Variants in CNBD1 observed in about 807,000 individuals in gnomAD.
CNBD1 encodes the protein cyclic nucleotide-binding domain-containing protein 1.
CNBD1 carries 71 observed loss-of-function variants against 54.4 expected under a neutral mutation model. The ratio of observed to expected loss-of-function variants is 1.30; its 90% CI spans 1.08 to 1.59. The LOEUF (loss-of-function observed/expected upper bound fraction) is 1.59, where lower values mean the gene tolerates loss of function less well. Ranked by LOEUF, CNBD1 falls within the 40% of genes most tolerant of loss-of-function variation. The pLI, the probability that CNBD1 is intolerant of heterozygous loss-of-function variation, is 0.00. For synonymous variants in CNBD1, 182 were observed against 170.7 expected (o/e 1.07, Z -0.51); for missense variants, 659 against 518.0 (o/e 1.27, Z -2.64).
intron 3 of CNBD1, among the ~76,000 whole-genome samples, chr8:86,914,965 C>A (rs900724219): frequency 3.3e-5 from 5 of 152,134 alleles, no homozygotes; most frequent in Admixed American, 2.6e-4. Flanking sequence ...CCAGATAGAG[C>A]CAATTTATCA....
At position 87,275,928 on chromosome 8, in the gene CNBD1, AACAG is replaced by A. The variant is rs545832684; in HGVS notation, c.772-8744_772-8741del. Among the ~76,000 whole-genome samples, 29 of 152,084 alleles carry A rather than the reference AACAG, an allele frequency of 1.9e-4. No individual in the cohort carries two copies. In the South Asian group the frequency reaches 6.0e-3, roughly 32 times the overall value. On this transcript the variant is annotated intron_variant, in intron 6 of 10. Transcript: ENST00000518476. ...ATCACAAGTATTCTTATACACCAAT[AACAG>A]ACAGAGAGCCAAATCATGAGTGAAC... is the stretch of plus-strand genomic sequence containing the variant.
chr8:87,223,308 G>A (rs1331197903), intron 5 of CNBD1, among the ~76,000 whole-genome samples: 2 of 150,552 alleles, frequency 1.3e-5, no homozygotes, highest in Non-Finnish European at 2.9e-5. Context: ...AGTTACATAC[G>A]TATACATGTG....
intron 10 of CNBD1, among the ~76,000 whole-genome samples, chr8:87,358,548 T>C (rs1358411875): frequency 6.8e-6 from 1 of 147,472 alleles, no homozygotes; most frequent in African/African-American, 2.5e-5. Context: ...TCACACGTTG[T>C]ATTATACAAA....
At chr8:87,331,427 G>A (rs1809828674) in intron 8 of CNBD1, among the ~76,000 whole-genome samples, 1 of 152,158 alleles carries the variant, frequency 6.6e-6, no homozygotes, top group Non-Finnish European at 1.5e-5. Flanking sequence ...ATTCCATGGT[G>A]TATACATACC....
intron 2 of CNBD1, among the ~76,000 whole-genome samples, chr8:87,395,020 G>C (rs1192280331): frequency 6.6e-6 from 1 of 151,858 alleles, no homozygotes; most frequent in Non-Finnish European, 1.5e-5. Flanking sequence ...TGCCTGCTAA[G>C]CATAGATTGA....
At chr8:87,265,993 T>C (rs1808248149) in intron 6 of CNBD1, among the ~76,000 whole-genome samples, 1 of 152,092 alleles carries the variant, frequency 6.6e-6, no homozygotes, top group East Asian at 1.9e-4. Context: ...TAAGTAGCTA[T>C]ACAAAAGATT....
At chr8:87,146,502 C>T (rs1276014793) in intron 4 of CNBD1, among the ~76,000 whole-genome samples, 1 of 152,066 alleles carries the variant, frequency 6.6e-6, no homozygotes, top group Non-Finnish European at 1.5e-5. Context: ...ATTCATTGAG[C>T]CCTATGGCTT....
chr8:87,249,477 A>G (rs1429673927), intron 6 of CNBD1, among the ~76,000 whole-genome samples: 1 of 152,072 alleles, frequency 6.6e-6, no homozygotes, highest in Non-Finnish European at 1.5e-5. Context: ...TTACCCCTTT[A>G]TCTGTGGAGA....
At chr8:87,370,854 G>A (rs1430244984) in intron 10 of CNBD1, among the ~76,000 whole-genome samples, 1 of 150,592 alleles carries the variant, frequency 6.6e-6, no homozygotes, top group African/African-American at 2.5e-5. Context: ...GGTTTTTATG[G>A]TTTTAGGTCT....
chr8:87,122,307 A>G (rs760262910), intron 4 of CNBD1, among the ~76,000 whole-genome samples: 1 of 151,816 alleles, frequency 6.6e-6, no homozygotes, highest in Non-Finnish European at 1.5e-5. Flanking sequence ...TTCTATAGTG[A>G]TGCTGAACAT....
chr8:87,225,045 G>T (rs1224161922), intron 5 of CNBD1, among the ~76,000 whole-genome samples: 3 of 151,626 alleles, frequency 2.0e-5, no homozygotes, highest in Non-Finnish European at 2.9e-5. Context: ...CTCTCTGTTT[G>T]TCTGTTGTTG....
chr8:87,399,485 C>T (rs563792532), intron 2 of CNBD1, among the ~76,000 whole-genome samples: 22 of 152,070 alleles, frequency 1.4e-4, no homozygotes, highest in African/African-American at 4.8e-4. Context: ...AGAGCTTTGC[C>T]TCTGGAATGA....
intron 2 of CNBD1, among the ~76,000 whole-genome samples, chr8:87,400,528 G>A (rs112823154): frequency 0.018 from 2,762 of 151,998 alleles, 83 homozygotes; most frequent in African/African-American, 0.06. Context: ...CAATTCTAAT[G>A]GCCATCAATA....
intron 2 of CNBD1, among the ~76,000 whole-genome samples, chr8:87,403,657 T>G (rs1486821717): frequency 6.6e-6 from 1 of 152,012 alleles, no homozygotes. Context: ...TAAAGGGAAG[T>G]AGCTTTTTTA....
At chr8:87,401,865 T>C (rs1201200936) in intron 2 of CNBD1, among the ~76,000 whole-genome samples, 1 of 152,012 alleles carries the variant, frequency 6.6e-6, no homozygotes, top group African/African-American at 2.4e-5. Flanking sequence ...GAATAACAGG[T>C]AGGCCTGAAT....
At chr8:87,297,095 G>T (rs1481065236) in intron 8 of CNBD1, among the ~76,000 whole-genome samples, 1 of 147,876 alleles carries the variant, frequency 6.8e-6, no homozygotes, top group African/African-American at 2.5e-5. Flanking sequence ...GGAGAATGGC[G>T]TGAACCAGAG....
intron 4 of CNBD1, among the ~76,000 whole-genome samples, chr8:87,060,509 G>A (rs941514721): frequency 1.3e-5 from 2 of 152,094 alleles, no homozygotes; most frequent in African/African-American, 2.4e-5. Flanking sequence ...CTCATGCCTG[G>A]TGTACTATTT....
intron 6 of CNBD1, among the ~76,000 whole-genome samples, chr8:87,277,690 T>C (rs1808512134): frequency 6.6e-6 from 1 of 151,630 alleles, no homozygotes; most frequent in African/African-American, 2.4e-5. Context: ...AAAACCAGTC[T>C]CAAAATACCT....
At position 87,182,480 on chromosome 8, in the gene CNBD1, A is replaced by G. The variant is rs1290792216; in HGVS notation, c.432-23513A>G. Among the ~76,000 whole-genome samples, 2 of 152,114 alleles carry G rather than the reference A, an allele frequency of 1.3e-5. No homozygotes were observed. Among genetic ancestry groups the G allele is most frequent in the African/African-American group, 4.8e-5 (2 of 41,432 alleles). ...TTCAGATATTACCAAACCATTTTAC[A>G]CAATAGCTGAAATAATTACATTCCC... On this transcript the variant is annotated intron_variant, in intron 4 of 10. Coordinates refer to ENST00000518476, the MANE Select transcript of CNBD1 (RefSeq NM_173538.3). This position sits in a 1 kb window ranked among gnomAD's most constrained non-coding sequence, Gnocchi z 4.1.
Sources: allele counts gnomAD v4.1 joint callset (sites outside exome capture counted in the v4.1 genomes callset), GRCh38; gene constraint gnomAD v4.1.1; non-coding constraint Gnocchi (gnomAD v3.1); transcripts MANE v1.5; gene names NCBI Gene and HGNC (gene_info 2026-07-23, HGNC 2026-07-21).